LMO7: variants seen among roughly 807,000 people sequenced by gnomAD.
LMO7 encodes the protein LIM domain 7.
In LMO7, 120 loss-of-function variants were observed where a neutral mutation model predicts 206.5. That is an observed-to-expected ratio of 0.58 (90% CI 0.50 to 0.68). LMO7 has a LOEUF of 0.68. Ranked by LOEUF, LMO7 falls within the 30% of genes least tolerant of loss-of-function variation. The probability of loss-of-function intolerance (pLI) is 0.00; values close to 1 mark genes in which losing one functional copy is unlikely to be tolerated. For missense variants in LMO7, 1,959 were observed against 1,957.9 expected (o/e 1.00, Z -0.01); for synonymous variants, 706 against 681.5 (o/e 1.04, Z -0.56).
At chr13:75,797,622 G>A (rs1479557848) in intron 6 of LMO7, among the ~76,000 whole-genome samples, 1 of 152,164 alleles carries the variant, frequency 6.6e-6, no homozygotes, top group Non-Finnish European at 1.5e-5. Flanking sequence ...ACATTGTAAG[G>A]TTGCAATAAA....
chr13:75,783,602 C>T (rs1039375589), intron 4 of LMO7, among the ~76,000 whole-genome samples: 3 of 152,204 alleles, frequency 2.0e-5, no homozygotes, highest in African/African-American at 7.2e-5. Context: ...GGAATACTGG[C>T]ATGAGCCAAC....
intron 2 of LMO7, among the ~76,000 whole-genome samples, chr13:75,714,344 A>G (rs991498237): frequency 1.3e-5 from 2 of 152,164 alleles, no homozygotes; most frequent in African/African-American, 4.8e-5. Flanking sequence ...TCAACAATAT[A>G]TATTTTAAGG....
intron 1 of LMO7, among the ~76,000 whole-genome samples, chr13:75,647,882 G>A (rs902600161): frequency 3.3e-5 from 5 of 151,562 alleles, no homozygotes; most frequent in South Asian, 2.1e-4. Flanking sequence ...CAGAAGTGAA[G>A]GGAAAAGGGA....
chr13:75,717,637 A>G (rs945957706), intron 2 of LMO7, among the ~76,000 whole-genome samples: 4 of 152,142 alleles, frequency 2.6e-5, no homozygotes, highest in Admixed American at 6.5e-5. Flanking sequence ...CACTCAGATG[A>G]TCATTTTAAG....
intron 4 of LMO7, among the ~76,000 whole-genome samples, chr13:75,769,493 G>A (rs950165262): frequency 4.6e-5 from 7 of 151,668 alleles, no homozygotes; most frequent in Non-Finnish European, 1.0e-4. Flanking sequence ...AAAAAAAAAC[G>A]TGGTATACTT....
chr13:75,808,295 G>A (rs2055820111), intron 10 of LMO7, 96 bp downstream of exon 10: 3 of 1,347,292 alleles, frequency 2.2e-6, no homozygotes, highest in Non-Finnish European at 3.0e-6. Context: ...GCTCAACTCT[G>A]CATGTCGCGT....
chr13:75,739,987 T>A (rs2046288575), intron 3 of LMO7, among the ~76,000 whole-genome samples: 1 of 152,206 alleles, frequency 6.6e-6, no homozygotes, highest in South Asian at 2.1e-4. Flanking sequence ...TTCTCTTCTT[T>A]CTCATCTAAG....
chr13:75,709,645 G>A (rs186512874), intron 1 of LMO7, among the ~76,000 whole-genome samples: 43 of 152,236 alleles, frequency 2.8e-4, no homozygotes, highest in African/African-American at 8.7e-4. Flanking sequence ...TGATGGGGCT[G>A]TTTGTTTTTT....
intron 6 of LMO7, among the ~76,000 whole-genome samples, chr13:75,799,905 TTGAG>T (rs1389083195): frequency 2.6e-5 from 4 of 152,244 alleles, no homozygotes; most frequent in African/African-American, 9.6e-5. Flanking sequence ...AGTGCTTATC[TTGAG>T]TAAGTTCTAT....
intron 11 of LMO7, among the ~76,000 whole-genome samples, chr13:75,812,835 A>T (rs1275884445): frequency 6.6e-6 from 1 of 152,222 alleles, no homozygotes; most frequent in Non-Finnish European, 1.5e-5. Context: ...GGAAATACAA[A>T]TGAAGCAGGA....
chr13:75,794,534 T>C (rs1227923502), intron 4 of LMO7, among the ~76,000 whole-genome samples: 1 of 152,234 alleles, frequency 6.6e-6, no homozygotes, highest in Non-Finnish European at 1.5e-5. Flanking sequence ...TATAGATGTG[T>C]GTATATTTTA....
chr13:75,783,114 G>T (rs1474379120), intron 4 of LMO7, among the ~76,000 whole-genome samples: 2 of 152,080 alleles, frequency 1.3e-5, no homozygotes, highest in Non-Finnish European at 2.9e-5. Context: ...GCATAACATG[G>T]ATTATTCACA....
intron 6 of LMO7, among the ~76,000 whole-genome samples, chr13:75,797,448 C>G (rs1281501717): frequency 6.6e-6 from 1 of 152,174 alleles, no homozygotes. Context: ...AAACGAATTT[C>G]TCTGGGTAGG....
chr13:75,733,120 A>C (rs1594611261), intron 3 of LMO7, among the ~76,000 whole-genome samples: 2 of 152,224 alleles, frequency 1.3e-5, no homozygotes, highest in East Asian at 3.9e-4. Context: ...TCAGATCTCC[A>C]GCTGCGTGCT....
chr13:75,757,486 T>A (rs1259800583), intron 3 of LMO7, among the ~76,000 whole-genome samples: 1 of 152,130 alleles, frequency 6.6e-6, no homozygotes, highest in East Asian at 1.9e-4. Context: ...TCTTGGTAGA[T>A]CTTTGTGGCT....
intron 2 of LMO7, among the ~76,000 whole-genome samples, chr13:75,630,875 C>T (rs1328703168): frequency 3.3e-5 from 5 of 152,196 alleles, no homozygotes; most frequent in South Asian, 2.1e-4. Context: ...CAGCTGGTTT[C>T]GAACTCCTGA....
At chr13:75,825,946 A>G (rs1229051255) in intron 15 of LMO7, among the ~76,000 whole-genome samples, 5 of 152,032 alleles carry the variant, frequency 3.3e-5, no homozygotes, top group Non-Finnish European at 7.4e-5. Flanking sequence ...TCTCTTTCAT[A>G]CCTTGGACTT....
intron 8 of LMO7, 101 bp downstream of exon 8, chr13:75,804,642 C>T (rs1416326963): frequency 2.9e-6 from 4 of 1,361,504 alleles, no homozygotes; most frequent in Admixed American, 2.3e-5. Flanking sequence ...TTTCATAGAT[C>T]ATATATTAAG....
chr13:75,805,817 G>T (rs1478301882), intron 9 of LMO7, 57 bp downstream of exon 9: 8 of 1,522,710 alleles, frequency 5.3e-6, no homozygotes, highest in Middle Eastern at 1.8e-4. Context: ...CCCAGCTGGG[G>T]TTCTATGTGC....
Sources: gnomAD v4.1 joint callset for allele counts (sites outside exome capture counted in the v4.1 genomes callset) on GRCh38, gnomAD v4.1.1 for gene constraint, MANE v1.5 for transcripts, NCBI Gene and HGNC (gene_info 2026-07-23, HGNC 2026-07-21) for gene names.